AFTPH: variants seen among roughly 807,000 people sequenced by gnomAD.
AFTPH encodes aftiphilin.
A neutral mutation model predicts 72.5 loss-of-function variants in AFTPH; 7 were observed. That is an observed-to-expected ratio of 0.10 (90% CI 0.05 to 0.18). AFTPH has a LOEUF of 0.18. Ranked by LOEUF, AFTPH falls within the 10% of genes least tolerant of loss-of-function variation. The pLI is 1.00. For missense variants in AFTPH, 979 were observed against 1,060.5 expected (o/e 0.92, Z 1.07); for synonymous variants, 337 against 370.1 (o/e 0.91, Z 1.03).
intron 4 of AFTPH, among the ~76,000 whole-genome samples, 173 bp from the exon 5 acceptor site, chr2:64,569,450 A>T (rs1315969105): frequency 6.6e-6 from 1 of 152,258 alleles, no homozygotes; most frequent in Admixed American, 6.5e-5. Flanking sequence ...TTAAATATAA[A>T]ATGAAGGAAT....
intron 1 of AFTPH, among the ~76,000 whole-genome samples, chr2:64,526,170 C>A (rs977403890): frequency 2.6e-5 from 4 of 152,228 alleles, no homozygotes; most frequent in Non-Finnish European, 5.9e-5. Flanking sequence ...AGCCTTGATA[C>A]ATCTTGCCGA....
chr2:64,548,798 T>C (rs1244423088), intron 1 of AFTPH, among the ~76,000 whole-genome samples: 1 of 149,144 alleles, frequency 6.7e-6, no homozygotes, highest in Non-Finnish European at 1.5e-5. Context: ...TATCTTGTAC[T>C]TTTTTTTTTC....
At chr2:64,575,574 A>G (rs1446086336) in intron 6 of AFTPH, among the ~76,000 whole-genome samples, 1 of 152,024 alleles carries the variant, frequency 6.6e-6, no homozygotes, top group Non-Finnish European at 1.5e-5. Context: ...CCATGTTCAC[A>G]CCAGTGCACT....
intron 8 of AFTPH, among the ~76,000 whole-genome samples, chr2:64,590,130 T>C (rs1225076292): frequency 6.6e-6 from 1 of 152,198 alleles, no homozygotes; most frequent in Admixed American, 6.5e-5. Context: ...CAGTATTCAA[T>C]TGAAGACTAT....
At chr2:64,591,240 T>C (rs1231083863) in intron 8 of AFTPH, among the ~76,000 whole-genome samples, 2 of 152,212 alleles carry the variant, frequency 1.3e-5, no homozygotes, top group Admixed American at 6.5e-5. Context: ...ACAGGACCCA[T>C]AGGATTTGAG....
At chr2:64,524,383 A>AGGAGGC in exon 1 of AFTPH, 1 of 403,962 alleles carries the variant, frequency 2.5e-6, no homozygotes, top group East Asian at 3.5e-5. Flanking sequence ...GAGGAGGTGG[A>AGGAGGC]GGAGGCGGCG....
exon 2 of AFTPH, chr2:64,551,716 T>G: frequency 6.2e-7 from 1 of 1,613,796 alleles, no homozygotes. Context: ...CTTACAAGCT[T>G]TAAGTCCATT....
chr2:64,571,644 T>G (rs150129803), intron 5 of AFTPH, among the ~76,000 whole-genome samples: 1 of 152,350 alleles, frequency 6.6e-6, no homozygotes, highest in Non-Finnish European at 1.5e-5. Flanking sequence ...CCTGAAAATT[T>G]TAGAAATTTA....
At chr2:64,582,541 T>G (rs900831831) in intron 7 of AFTPH, among the ~76,000 whole-genome samples, 1 of 152,208 alleles carries the variant, frequency 6.6e-6, no homozygotes, top group Non-Finnish European at 1.5e-5. Context: ...TTGTACTATT[T>G]ACTTAAATTA....
At chr2:64,525,105 C>A (rs546170906) in intron 1 of AFTPH, among the ~76,000 whole-genome samples, 1 of 152,340 alleles carries the variant, frequency 6.6e-6, no homozygotes, top group African/African-American at 2.4e-5. Context: ...CTGAAGCAAG[C>A]GAATTTGGAA....
intron 2 of AFTPH, among the ~76,000 whole-genome samples, chr2:64,560,187 T>C (rs1380442112): frequency 6.6e-6 from 1 of 152,200 alleles, no homozygotes; most frequent in Non-Finnish European, 1.5e-5. Context: ...TTAAATGGCT[T>C]ACTTGCACCA....
At chr2:64,564,785 G>A (rs918010478) in intron 2 of AFTPH, among the ~76,000 whole-genome samples, 1 of 151,646 alleles carries the variant, frequency 6.6e-6, no homozygotes, top group African/African-American at 2.4e-5. Context: ...ATAGTGGTGA[G>A]AAACTCATTA....
At chr2:64,586,357 A>G (rs3770729) in intron 8 of AFTPH, among the ~76,000 whole-genome samples, 77,185 of 152,156 alleles carry the variant, frequency 0.51, 21,777 homozygotes, top group African/African-American at 0.78. Context: ...TGCCTACTTT[A>G]AAAGAAGTGT....
chr2:64,539,396 A>G (rs943977536), intron 1 of AFTPH, among the ~76,000 whole-genome samples: 1 of 152,214 alleles, frequency 6.6e-6, no homozygotes, highest in Non-Finnish European at 1.5e-5. Context: ...GCTTGCATAT[A>G]ATGTACTGCC....
chr2:64,579,605 C>T, intron 7 of AFTPH, 59 bp downstream of exon 7: 1 of 1,425,492 alleles, frequency 7.0e-7, no homozygotes. Flanking sequence ...CTACAAAGTT[C>T]AGACAAACTT....
At chr2:64,562,120 A>G (rs1671779947) in intron 2 of AFTPH, among the ~76,000 whole-genome samples, 1 of 152,304 alleles carries the variant, frequency 6.6e-6, no homozygotes, top group South Asian at 2.1e-4. Context: ...GAAGACAGTA[A>G]TACTTCTGGA....
At chr2:64,551,318 G>GA in intron 1 of AFTPH, 125 bp from the exon 2 acceptor site, 2 of 746,382 alleles carry the variant, frequency 2.7e-6, no homozygotes, top group Non-Finnish European at 2.1e-6. Context: ...CATGGTCAAG[G>GA]AAAAAAGGAG....
At chr2:64,537,493 A>G (rs1334965303) in intron 1 of AFTPH, among the ~76,000 whole-genome samples, 1 of 152,242 alleles carries the variant, frequency 6.6e-6, no homozygotes, top group Non-Finnish European at 1.5e-5. Context: ...CTAAACTGCA[A>G]TAGGGTGTGT....
exon 1 of AFTPH, chr2:64,524,503 G>C (rs1669125936): frequency 2.5e-6 from 1 of 399,976 alleles, no homozygotes; most frequent in Non-Finnish European, 4.4e-6. Context: ...TGAGCAGCCG[G>C]CCTTCCGCTC....
Sources: gnomAD v4.1 joint callset for allele counts (sites outside exome capture counted in the v4.1 genomes callset) on GRCh38, gnomAD v4.1.1 for gene constraint, MANE v1.5 for transcripts, NCBI Gene and HGNC (gene_info 2026-07-23, HGNC 2026-07-21) for gene names.